DMD: variants seen among roughly 807,000 people sequenced by gnomAD.
The protein encoded by DMD is mutant dystrophin.
DMD carries 63 observed loss-of-function variants against 330.1 expected under a neutral mutation model. The ratio of observed to expected loss-of-function variants is 0.19; its 90% CI spans 0.16 to 0.24. DMD has a LOEUF of 0.24. Ranked by LOEUF, DMD falls within the 10% of genes least tolerant of loss-of-function variation. The pLI, the probability that DMD is intolerant of heterozygous loss-of-function variation, is 1.00. For missense variants in DMD, 3,344 were observed against 2,684.1 expected, an observed-to-expected ratio of 1.25 and a Z score of -5.43; for synonymous variants, 1,223 against 959.8, an observed-to-expected ratio of 1.27 and a Z score of -5.07.
At chrX:32,433,344 C>A (rs2098246122) in intron 29 of DMD, among the ~76,000 whole-genome samples, 1 of 111,556 alleles carries the variant, frequency 9.0e-6, no homozygotes, top group Non-Finnish European at 1.9e-5. Flanking sequence ...TTCCTAGGGC[C>A]TTTAATATCC....
rs191912562 is a variant in DMD, at chrX:31,872,833, T to C, written c.7098+2355A>G. Among the ~76,000 whole-genome samples the C allele has an allele frequency of 1.5e-3, 172 of 111,492 alleles. 1 individual carries two copies. The highest frequency in any genetic ancestry group is 5.2e-3 in the African/African-American group (159 of 30,673). On this transcript the variant is annotated intron_variant, in intron 48 of 78. Coordinates refer to ENST00000357033, the MANE Select transcript of DMD (RefSeq NM_004006.3). The stretch of plus-strand genomic sequence containing the variant: ...CTTGTTGGGGTTGTTTATTGAGCAG[T>C]GAAAAATCAGTATTCATGAGATGTA...
intron 4 of DMD, among the ~76,000 whole-genome samples, chrX:32,834,754 T>A (rs1179829369): frequency 1.8e-5 from 2 of 111,861 alleles, no homozygotes; most frequent in Non-Finnish European, 3.8e-5. Context: ...ACAATGAACA[T>A]AATTATTAGA....
chrX:32,165,219 C>T (rs777712599), intron 44 of DMD, among the ~76,000 whole-genome samples: 1 of 112,497 alleles, frequency 8.9e-6, no homozygotes, highest in South Asian at 3.7e-4. Flanking sequence ...GCTTGCACCA[C>T]GTGCCTGGAA....
intron 55 of DMD, among the ~76,000 whole-genome samples, chrX:31,607,856 G>GA (rs2077691182): frequency 8.9e-6 from 1 of 111,925 alleles, no homozygotes; most frequent in Non-Finnish European, 1.9e-5. Context: ...AAGAAATTCA[G>GA]AATAATCCAA....
chrX:32,816,873 T>C (rs2077806476), intron 5 of DMD, among the ~76,000 whole-genome samples: 1 of 111,913 alleles, frequency 8.9e-6, no homozygotes, highest in African/African-American at 3.2e-5. Context: ...CTATTACTCC[T>C]GGATTCTGCC....
intron 7 of DMD, among the ~76,000 whole-genome samples, chrX:32,733,249 C>T (rs1394724925): frequency 4.5e-5 from 5 of 110,832 alleles, no homozygotes; most frequent in Non-Finnish European, 9.4e-5. Context: ...AAAGGAGCAC[C>T]CAGATTCATA....
intron 1 of DMD, among the ~76,000 whole-genome samples, chrX:33,073,530 C>T (rs2094791218): frequency 9.0e-6 from 1 of 111,502 alleles, no homozygotes; most frequent in African/African-American, 3.3e-5. Context: ...CCATGAGTTA[C>T]ATATTAAACA....
chrX:32,385,023 A>T (rs1015065538), intron 33 of DMD, among the ~76,000 whole-genome samples: 1 of 111,363 alleles, frequency 9.0e-6, no homozygotes, highest in Admixed American at 9.6e-5. Context: ...TTAAAATTCC[A>T]GTGACATTTT....
At position 31,369,178 on chromosome X, in the gene DMD, T is replaced by C. The variant is rs753995660; in HGVS notation, c.9085-20544A>G. ...CAGGCACTATCTTAGGTCCCACTGC[T>C]GAGGCCGGGATTTAATCCAGAATCT... On this transcript the variant is annotated intron_variant, in intron 60 of 78. Coordinates refer to ENST00000357033, the MANE Select transcript of DMD (RefSeq NM_004006.3). 3.7e-3 allele frequency among the ~76,000 whole-genome samples: 411 copies of C among 112,474 alleles called. 2 individuals carry two copies. Among genetic ancestry groups the C allele is most frequent in the Non-Finnish European group, 6.8e-3 (364 of 53,274 alleles).
Position 32,699,041 on chromosome X carries a change from G to A in DMD, c.831+71C>T, listed in dbSNP as rs1407840698. On this transcript the variant is annotated intron_variant, in intron 8 of 78. Transcript: ENST00000357033. ...ATACATATAAGTTATATATATATGT[G>A]CACGTAATACCTAAAAATGCATATA... 110 of 910,654 alleles carry A rather than the reference G, an allele frequency of 1.2e-4. 1 individual carries two copies. The highest frequency in any genetic ancestry group is 6.4e-4 in the South Asian group (32 of 50,340). 75.0% of individuals were successfully genotyped at this position (910,654 alleles called of 1,213,427 possible).
chrX:33,028,931 C>T (rs5927129), intron 1 of DMD, among the ~76,000 whole-genome samples: 2 of 111,589 alleles, frequency 1.8e-5, no homozygotes, highest in African/African-American at 6.5e-5. Flanking sequence ...CAGCCCAAAT[C>T]CCACTCATTA....
At chrX:32,512,894 T>C (rs915297684) in intron 18 of DMD, among the ~76,000 whole-genome samples, 1 of 111,410 alleles carries the variant, frequency 9.0e-6, no homozygotes, top group Non-Finnish European at 1.9e-5. Context: ...TTTGATTGGA[T>C]GTTGTAAGGA....
chrX:32,635,309 C>T (rs1017731097), intron 11 of DMD, among the ~76,000 whole-genome samples: 4 of 111,135 alleles, frequency 3.6e-5, no homozygotes, highest in South Asian at 3.8e-4. Context: ...CCAGGTACTA[C>T]GATCATGCAC....
chrX:33,154,257 C>T (rs113930552), intron 1 of DMD, among the ~76,000 whole-genome samples: 39 of 110,566 alleles, frequency 3.5e-4, no homozygotes, highest in Admixed American at 2.2e-3. Context: ...ATTAGCCAGG[C>T]GTGGTGGTGG....
intron 1 of DMD, among the ~76,000 whole-genome samples, chrX:33,057,555 A>G (rs1328487084): frequency 1.8e-5 from 2 of 112,229 alleles, no homozygotes; most frequent in Non-Finnish European, 3.8e-5. Flanking sequence ...AACTAGGTGA[A>G]ATAAAAATTC....
chrX:32,126,539 T>C (rs1355445270), intron 44 of DMD, among the ~76,000 whole-genome samples: 2 of 110,883 alleles, frequency 1.8e-5, no homozygotes, highest in African/African-American at 6.7e-5. Flanking sequence ...TTGAAATATG[T>C]AACCTTAACC....
intron 64 of DMD, among the ~76,000 whole-genome samples, chrX:31,221,994 C>T (rs956264325): frequency 1.8e-5 from 2 of 110,547 alleles, no homozygotes; most frequent in Non-Finnish European, 3.8e-5. Context: ...AGATCGAGAC[C>T]ATCCTGGCTA....
At chrX:31,785,084 G>A (rs745502196) in intron 50 of DMD, among the ~76,000 whole-genome samples, 4 of 111,882 alleles carry the variant, frequency 3.6e-5, no homozygotes, top group Non-Finnish European at 7.5e-5. Context: ...AGGACACAAC[G>A]GAATATTATT....
chrX:31,234,393 TAATGCATTCAAA>T, intron 63 of DMD, among the ~76,000 whole-genome samples: 1 of 112,606 alleles, frequency 8.9e-6, no homozygotes, highest in East Asian at 2.8e-4. Flanking sequence ...CACCTTTTAC[TAATGCATTCAAA>T]CTAAATGATT....
Sources: gnomAD v4.1 joint callset for allele counts (sites outside exome capture counted in the v4.1 genomes callset) on GRCh38, gnomAD v4.1.1 for gene constraint, MANE v1.5 for transcripts, NCBI Gene and HGNC (gene_info 2026-07-23, HGNC 2026-07-21) for gene names.